ENTREP2: variants seen among roughly 807,000 people sequenced by gnomAD.
ENTREP2 encodes the protein protein ENTREP2.
chr15:29,671,605 C>T, the ENTREP2 span, among the ~76,000 whole-genome samples: 1 of 152,156 alleles, frequency 6.6e-6, no homozygotes, highest in Non-Finnish European at 1.5e-5. Flanking sequence ...AGCTCAAGCC[C>T]ATTCTTCATT....
the ENTREP2 span, among the ~76,000 whole-genome samples, chr15:29,367,870 C>A: frequency 1.3e-4 from 19 of 150,536 alleles, no homozygotes; most frequent in African/African-American, 4.7e-4. Flanking sequence ...AAGTCATCAA[C>A]AATAAACTAT....
At chr15:29,532,429 C>G in the ENTREP2 span, among the ~76,000 whole-genome samples, 1 of 152,152 alleles carries the variant, frequency 6.6e-6, no homozygotes, top group Non-Finnish European at 1.5e-5. Context: ...TATTCAAAAT[C>G]ATAAGCATAA....
At chr15:29,413,192 G>C in the ENTREP2 span, among the ~76,000 whole-genome samples, 4 of 152,046 alleles carry the variant, frequency 2.6e-5, no homozygotes, top group Non-Finnish European at 4.4e-5. Context: ...AAAACTGCAA[G>C]ATCAATTTCT....
At chr15:29,463,367 C>T in the ENTREP2 span, among the ~76,000 whole-genome samples, 89 of 152,032 alleles carry the variant, frequency 5.9e-4, no homozygotes, top group Middle Eastern at 0.01. Context: ...GTTCAGCAAC[C>T]GATCTTCACC....
chr15:29,251,839 G>A, the ENTREP2 span, among the ~76,000 whole-genome samples: 15 of 150,446 alleles, frequency 1.0e-4, no homozygotes, highest in Non-Finnish European at 2.1e-4. Context: ...GTGGCCCAAG[G>A]AAGCCAAAAG....
chr15:29,492,545 G>A, the ENTREP2 span, among the ~76,000 whole-genome samples: 1 of 152,186 alleles, frequency 6.6e-6, no homozygotes, highest in East Asian at 1.9e-4. Context: ...CAAGAGCCAT[G>A]AGGACTCAAT....
At chr15:29,295,899 A>T in the ENTREP2 span, among the ~76,000 whole-genome samples, 1 of 152,214 alleles carries the variant, frequency 6.6e-6, no homozygotes, top group Non-Finnish European at 1.5e-5. Context: ...CCCATGGTTG[A>T]TCAAAGGTAA....
the ENTREP2 span, among the ~76,000 whole-genome samples, chr15:29,254,061 C>A: frequency 7.0e-6 from 1 of 143,036 alleles, no homozygotes; most frequent in African/African-American, 2.5e-5. Flanking sequence ...AATAATTAGG[C>A]CAAATCTAAT....
At chr15:29,381,665 C>CGGAA in the ENTREP2 span, 1 of 853,878 alleles carries the variant, frequency 1.2e-6, no homozygotes, top group South Asian at 1.6e-5. Context: ...CTCTGCTTCC[C>CGGAA]GCTGCCTGAA....
chr15:29,518,297 G>A, the ENTREP2 span, among the ~76,000 whole-genome samples: 13 of 152,234 alleles, frequency 8.5e-5, no homozygotes, highest in East Asian at 1.9e-4. Context: ...CATGCCGTAC[G>A]TTAGATCTTC....
chr15:29,273,683 C>T, the ENTREP2 span, among the ~76,000 whole-genome samples: 2 of 152,292 alleles, frequency 1.3e-5, no homozygotes, highest in African/African-American at 4.8e-5. Flanking sequence ...AATCAGCTGC[C>T]AGTGCGGCTA....
chr15:29,169,745 C>CT, the ENTREP2 span, among the ~76,000 whole-genome samples: 1 of 152,102 alleles, frequency 6.6e-6, no homozygotes. Context: ...GTAAAAGCCT[C>CT]TAATAAACTT....
At chr15:29,143,829 T>C in the ENTREP2 span, among the ~76,000 whole-genome samples, 1 of 152,032 alleles carries the variant, frequency 6.6e-6, no homozygotes, top group Non-Finnish European at 1.5e-5. Flanking sequence ...GAGGCCGACA[T>C]ACAGGAAGGT....
chr15:29,498,521 T>A, the ENTREP2 span, among the ~76,000 whole-genome samples: 1 of 152,320 alleles, frequency 6.6e-6, no homozygotes, highest in East Asian at 1.9e-4. Flanking sequence ...AATTAAAATA[T>A]AATTTCAATC....
At chr15:29,330,292 A>G in the ENTREP2 span, among the ~76,000 whole-genome samples, 3 of 151,918 alleles carry the variant, frequency 2.0e-5, no homozygotes, top group South Asian at 6.3e-4. Flanking sequence ...CAAAAAAAAA[A>G]AAAAAATTCA....
chr15:29,434,942 T>A, the ENTREP2 span, among the ~76,000 whole-genome samples: 12 of 151,796 alleles, frequency 7.9e-5, no homozygotes, highest in Admixed American at 7.9e-4. Context: ...AAAATGGGAG[T>A]TTGTGGCTCC....
At chr15:29,574,439 G>A in the ENTREP2 span, among the ~76,000 whole-genome samples, 3 of 152,106 alleles carry the variant, frequency 2.0e-5, no homozygotes, top group South Asian at 4.1e-4. Context: ...GACTACAGGC[G>A]CACGCCCCCA....
At chr15:29,556,238 T>C in the ENTREP2 span, among the ~76,000 whole-genome samples, 1 of 152,118 alleles carries the variant, frequency 6.6e-6, no homozygotes, top group Non-Finnish European at 1.5e-5. Context: ...GCCTGGGCTG[T>C]AGAGAGAGAC....
chr15:29,332,821 T>TGGTGGTGGGCGC, the ENTREP2 span, among the ~76,000 whole-genome samples: 5 of 151,500 alleles, frequency 3.3e-5, no homozygotes, highest in African/African-American at 1.2e-4. Context: ...TAGCTGGGTG[T>TGGTGGTGGGCGC]GGTGGTGGGC....
Sources: allele counts gnomAD v4.1 joint callset (sites outside exome capture counted in the v4.1 genomes callset), GRCh38; gene constraint gnomAD v4.1.1; transcripts MANE v1.5; gene names NCBI Gene and HGNC (gene_info 2026-07-23, HGNC 2026-07-21).